The following TMOD1 variants were observed in gnomAD, a reference collection of about 807,000 sequenced individuals.
TMOD1 encodes tropomodulin 1.
In TMOD1, 17 loss-of-function variants were observed where a neutral mutation model predicts 40.6. The observed-to-expected ratio is 0.42, with a 90% CI of 0.29 to 0.63. The LOEUF is 0.63. Ranked by LOEUF, TMOD1 falls within the 20% of genes least tolerant of loss-of-function variation. The probability of loss-of-function intolerance (pLI) is 0.22; values close to 1 mark genes in which losing one functional copy is unlikely to be tolerated. For synonymous variants in TMOD1, 181 were observed against 175.0 expected (o/e 1.03, Z -0.27); for missense variants, 391 against 447.6 (o/e 0.87, Z 1.14).
intron 2 of TMOD1, 84 bp downstream of exon 2, chr9:97,524,392 T>C (rs1443394972): frequency 6.7e-6 from 10 of 1,489,316 alleles, no homozygotes; most frequent in Admixed American, 2.2e-5. Context: ...AAGCCACCAC[T>C]TCCTTTTTCC....
intron 4 of TMOD1, 57 bp downstream of exon 4, chr9:97,553,457 CAGG>C: frequency 6.2e-7 from 1 of 1,610,052 alleles, no homozygotes; most frequent in Non-Finnish European, 8.5e-7. Flanking sequence ...CCCACATCTG[CAGG>C]GAGCCTTGTA....
chr9:97,575,418 C>T (rs947119256), intron 8 of TMOD1, among the ~76,000 whole-genome samples: 1 of 152,212 alleles, frequency 6.6e-6, no homozygotes, highest in Non-Finnish European at 1.5e-5. Context: ...TTCATTCTTG[C>T]AGTCAGTGAG....
chr9:97,586,878 C>T (rs1028800787), intron 8 of TMOD1, among the ~76,000 whole-genome samples: 66 of 152,204 alleles, frequency 4.3e-4, no homozygotes, highest in African/African-American at 9.4e-4. Flanking sequence ...GCACGGTGCA[C>T]GCACCCACTG....
At chr9:97,526,587 G>C (rs1486386279) in intron 2 of TMOD1, among the ~76,000 whole-genome samples, 1 of 151,864 alleles carries the variant, frequency 6.6e-6, no homozygotes, top group African/African-American at 2.4e-5. Context: ...TTTTAAACCA[G>C]CCATTGCTCA....
chr9:97,532,988 G>A (rs1459373091), intron 2 of TMOD1, among the ~76,000 whole-genome samples: 1 of 152,242 alleles, frequency 6.6e-6, no homozygotes, highest in Non-Finnish European at 1.5e-5. Flanking sequence ...ATGGGAGTTT[G>A]TCTAAAGCGC....
chr9:97,569,502 C>T (rs1830787319), intron 8 of TMOD1, among the ~76,000 whole-genome samples: 1 of 152,152 alleles, frequency 6.6e-6, no homozygotes, highest in South Asian at 2.1e-4. Flanking sequence ...TTTGAATTTC[C>T]TCACCATTCA....
rs1810566652 is a variant in TMOD1, at chr9:97,510,353, C to T, written c.-49+8550C>T. On this transcript the variant is annotated intron_variant, in intron 1 of 9. Transcript: ENST00000259365. ...TCAAGCGATTCTTTTGCCTCATCCT[C>T]CCGAGTAGCTGGAATTACAGGTGCC... Among the ~76,000 whole-genome samples the T allele has an allele frequency of 2.6e-5, 4 of 152,196 alleles. No individual in the cohort carries two copies. In the South Asian group the frequency reaches 8.3e-4, roughly 32 times the overall value.
At chr9:97,533,517 A>G (rs1830134330) in intron 2 of TMOD1, among the ~76,000 whole-genome samples, 1 of 152,244 alleles carries the variant, frequency 6.6e-6, no homozygotes, top group African/African-American at 2.4e-5. Flanking sequence ...GGCTTAGTGC[A>G]GTGCACAACC....
At chr9:97,594,551 C>T (rs913302875) in intron 9 of TMOD1, among the ~76,000 whole-genome samples, 6 of 152,192 alleles carry the variant, frequency 3.9e-5, no homozygotes, top group African/African-American at 1.4e-4. Context: ...TCACCTGCCT[C>T]TGCTGGCTCT....
chr9:97,505,137 T>C (rs2131202557), intron 1 of TMOD1, among the ~76,000 whole-genome samples: 1 of 152,332 alleles, frequency 6.6e-6, no homozygotes, highest in Non-Finnish European at 1.5e-5. Context: ...TTTTCTTTCG[T>C]GTTAGGTGTT....
chr9:97,524,428 C>CA, intron 2 of TMOD1, 120 bp downstream of exon 2: 1 of 1,276,196 alleles, frequency 7.8e-7, no homozygotes, highest in Non-Finnish European at 1.1e-6. Context: ...ATTGGTATAA[C>CA]TTTGCCTTTG....
intron 5 of TMOD1, 92 bp downstream of exon 5, chr9:97,562,913 G>T: frequency 5.0e-6 from 5 of 1,007,308 alleles, no homozygotes; most frequent in Non-Finnish European, 7.3e-6. Flanking sequence ...GTTTTAACAT[G>T]TTATATAGCC....
intron 3 of TMOD1, among the ~76,000 whole-genome samples, chr9:97,547,837 C>A (rs1830389535): frequency 6.6e-6 from 1 of 152,220 alleles, no homozygotes; most frequent in African/African-American, 2.4e-5. Flanking sequence ...TCCCTGAGGG[C>A]AACCACTTGG....
At chr9:97,582,073 T>C (rs1161657323) in intron 8 of TMOD1, among the ~76,000 whole-genome samples, 1 of 152,234 alleles carries the variant, frequency 6.6e-6, no homozygotes, top group Non-Finnish European at 1.5e-5. Flanking sequence ...TCCTTGCCCA[T>C]GCCTATGTCC....
chr9:97,572,985 C>T lies in TMOD1; in HGVS notation c.870+3948C>T, dbSNP rs564307472. Among the ~76,000 whole-genome samples, 7 of 152,320 alleles carry T rather than the reference C, an allele frequency of 4.6e-5. No homozygotes were observed. In the East Asian group the frequency reaches 5.8e-4, roughly 13 times the overall value. On this transcript the variant is annotated intron_variant, in intron 8 of 9. Coordinates refer to ENST00000259365, the MANE Select transcript of TMOD1 (RefSeq NM_003275.4). The stretch of plus-strand genomic sequence containing the variant: ...AGAAGGCACTGAGACAACATCTAGC[C>T]CAGTCCTCCTTTCACAAGCGGGGAA...
intron 8 of TMOD1, among the ~76,000 whole-genome samples, chr9:97,581,988 C>T (rs1009831095): frequency 2.9e-4 from 43 of 149,880 alleles, no homozygotes; most frequent in African/African-American, 1.0e-3. Flanking sequence ...TGTGCAGAAG[C>T]TCTTTAGTTT....
intron 9 of TMOD1, 113 bp from the exon 10 acceptor site, chr9:97,599,521 G>T: frequency 7.5e-7 from 1 of 1,326,374 alleles, no homozygotes; most frequent in Non-Finnish European, 1.1e-6. Flanking sequence ...ACAGACTTCA[G>T]ACTCTGTTAA....
In TMOD1 at chr9:97,591,482, C is replaced by G. The variant is rs367961213; in HGVS notation, c.1015+47C>G. On this transcript the variant is annotated intron_variant, in intron 9 of 9. Coordinates refer to ENST00000259365, the MANE Select transcript of TMOD1 (RefSeq NM_003275.4). ...GCCCTGCCCGCAGTCCTGTTATTCCCTCCACCTGTGCTGGGGATGTCAGGG... is the reference window on the plus strand; with the variant it reads ...GCCCTGCCCGCAGTCCTGTTATTCCGTCCACCTGTGCTGGGGATGTCAGGG... The G allele has an allele frequency of 1.1e-4, 183 of 1,593,576 alleles. 6 individuals carry two copies. Among genetic ancestry groups the G allele is most frequent in the East Asian group, 1.0e-3 (45 of 44,636 alleles).
chr9:97,586,816 T>G (rs1825885237), intron 8 of TMOD1, among the ~76,000 whole-genome samples: 1 of 152,232 alleles, frequency 6.6e-6, no homozygotes, highest in African/African-American at 2.4e-5. Flanking sequence ...GGGAACTCCC[T>G]GACCCCTTGC....
Sources: allele counts gnomAD v4.1 joint callset (sites outside exome capture counted in the v4.1 genomes callset), GRCh38; gene constraint gnomAD v4.1.1; transcripts MANE v1.5; gene names NCBI Gene and HGNC (gene_info 2026-07-23, HGNC 2026-07-21).